STXBP5: variants seen among roughly 807,000 people sequenced by gnomAD.
The protein encoded by STXBP5 is syntaxin-binding protein 5.
Under a neutral mutation model 152.4 loss-of-function variants are expected in STXBP5, and 50 were observed. The ratio of observed to expected loss-of-function variants is 0.33; its 90% CI spans 0.26 to 0.42. The LOEUF is 0.42. STXBP5 is among the 10% of genes least tolerant of loss of function. The pLI is 1.00. For synonymous variants in STXBP5, 492 were observed against 494.7 expected, an observed-to-expected ratio of 0.99 and a Z score of 0.07; for missense variants, 1,167 against 1,388.6, an observed-to-expected ratio of 0.84 and a Z score of 2.54.
At chr6:147,339,770 C>T (rs1248777295) in intron 21 of STXBP5, among the ~76,000 whole-genome samples, 5 of 151,848 alleles carry the variant, frequency 3.3e-5, no homozygotes, top group African/African-American at 7.2e-5. Context: ...TTCAAGGCCC[C>T]GTATTTCAAG....
chr6:147,382,435 C>G (rs577591365), intron 26 of STXBP5, among the ~76,000 whole-genome samples: 35 of 152,092 alleles, frequency 2.3e-4, no homozygotes, highest in Non-Finnish European at 4.9e-4. Flanking sequence ...AAATATCTTT[C>G]GTTTTTTGCA....
At chr6:147,357,923 A>C (rs372521561) in intron 22 of STXBP5, among the ~76,000 whole-genome samples, 13 of 152,202 alleles carry the variant, frequency 8.5e-5, no homozygotes, top group Admixed American at 7.2e-4. Context: ...ATGATGTTCC[A>C]AGAGAAAAAG....
intron 4 of STXBP5, among the ~76,000 whole-genome samples, chr6:147,255,501 TTTGTTG>T (rs138694030): frequency 9.3e-5 from 14 of 151,154 alleles, no homozygotes; most frequent in South Asian, 2.1e-4. Flanking sequence ...TTTGTTCCTT[TTTGTTG>T]TTGTTGTTGT....
chr6:147,223,751 A>G (rs1265651415), intron 2 of STXBP5, among the ~76,000 whole-genome samples: 1 of 152,170 alleles, frequency 6.6e-6, no homozygotes, highest in Non-Finnish European at 1.5e-5. Context: ...TGTTTTTTAA[A>G]TCTTTGTGGA....
chr6:147,261,005 G>A (rs951095507), intron 5 of STXBP5, among the ~76,000 whole-genome samples: 1 of 151,932 alleles, frequency 6.6e-6, no homozygotes, highest in Non-Finnish European at 1.5e-5. Flanking sequence ...TGTAACACTA[G>A]TTTAAGGAAA....
chr6:147,329,774 C>T (rs916845590), intron 18 of STXBP5, among the ~76,000 whole-genome samples: 17 of 151,808 alleles, frequency 1.1e-4, no homozygotes, highest in Admixed American at 3.9e-4. Flanking sequence ...TACAGGCGCC[C>T]GCTACCGCAC....
chr6:147,234,657 A>G lies in STXBP5; in HGVS notation c.249-593A>G, dbSNP rs764925155. On this transcript the variant is annotated intron_variant, in intron 2 of 27. Transcript: ENST00000321680. ...TATTTGCTGTTATTATTGTATGCCA[A>G]TTCATTTTAATCAGTATCCATGCCT... Among the ~76,000 whole-genome samples the G allele has an allele frequency of 4.5e-4, 68 of 152,082 alleles. 1 individual carries two copies. The highest frequency in any genetic ancestry group is 8.3e-4 in the South Asian group (4 of 4,828).
At chr6:147,256,964 A>G (rs1428664356) in intron 4 of STXBP5, among the ~76,000 whole-genome samples, 1 of 152,056 alleles carries the variant, frequency 6.6e-6, no homozygotes. Flanking sequence ...AAATCTTCCA[A>G]ATTTTGTGCT....
intron 11 of STXBP5, among the ~76,000 whole-genome samples, chr6:147,312,532 G>T (rs191828197): frequency 9.1e-4 from 139 of 152,232 alleles, no homozygotes; most frequent in African/African-American, 3.2e-3. Context: ...TTTTCAGTGG[G>T]TTTGAGGGTG....
chr6:147,315,991 A>G (rs1442494463), intron 15 of STXBP5, among the ~76,000 whole-genome samples: 1 of 152,204 alleles, frequency 6.6e-6, no homozygotes, highest in East Asian at 1.9e-4. Flanking sequence ...CTAATTTGAT[A>G]TTAACACGAG....
intron 9 of STXBP5, among the ~76,000 whole-genome samples, chr6:147,293,885 A>G (rs1419045019): frequency 1.4e-5 from 2 of 141,712 alleles, no homozygotes; most frequent in Non-Finnish European, 3.3e-5. Context: ...CTGAATGTGA[A>G]GAAGAAGATA....
chr6:147,235,864 A>G (rs1778244597), intron 3 of STXBP5, among the ~76,000 whole-genome samples: 1 of 152,184 alleles, frequency 6.6e-6, no homozygotes, highest in East Asian at 1.9e-4. Flanking sequence ...CGGCATAGGA[A>G]ACACTGTTTT....
intron 16 of STXBP5, among the ~76,000 whole-genome samples, chr6:147,319,219 A>G (rs1782791168): frequency 6.6e-6 from 1 of 152,036 alleles, no homozygotes; most frequent in African/African-American, 2.4e-5. Context: ...AAACTCTTTT[A>G]TTTTTCATTG....
intron 25 of STXBP5, among the ~76,000 whole-genome samples, chr6:147,369,967 G>A (rs190837973): frequency 7.9e-5 from 12 of 151,828 alleles, no homozygotes; most frequent in Admixed American, 2.6e-4. Context: ...ATTCATAGCC[G>A]CTTTATTTGT....
intron 6 of STXBP5, 33 bp downstream of exon 6, chr6:147,262,386 T>A: frequency 7.7e-7 from 1 of 1,298,724 alleles, no homozygotes; most frequent in Non-Finnish European, 1.1e-6. Flanking sequence ...ATATATTAAA[T>A]GCACAAATTT....
At chr6:147,321,039 A>G (rs540777794) in intron 16 of STXBP5, among the ~76,000 whole-genome samples, 1 of 152,340 alleles carries the variant, frequency 6.6e-6, no homozygotes, top group African/African-American at 2.4e-5. Flanking sequence ...TTTTAGTAGA[A>G]TATTGTACAA....
chr6:147,332,051 T>G (rs1186084029), intron 18 of STXBP5, among the ~76,000 whole-genome samples: 1 of 152,190 alleles, frequency 6.6e-6, no homozygotes, highest in African/African-American at 2.4e-5. Context: ...TTAAGACCAC[T>G]TAGCTAATTG....
At chr6:147,268,059 A>C (rs1779980331) in intron 7 of STXBP5, among the ~76,000 whole-genome samples, 1 of 152,144 alleles carries the variant, frequency 6.6e-6, no homozygotes, top group Non-Finnish European at 1.5e-5. Context: ...TATTCATCTT[A>C]AGGGGTTGTT....
intron 2 of STXBP5, among the ~76,000 whole-genome samples, chr6:147,214,119 A>G (rs938897279): frequency 9.2e-5 from 14 of 152,210 alleles, no homozygotes; most frequent in Admixed American, 1.3e-4. Flanking sequence ...CTTCCTGTAG[A>G]GACATTCAGG....
Sources: allele counts gnomAD v4.1 joint callset (sites outside exome capture counted in the v4.1 genomes callset), GRCh38; gene constraint gnomAD v4.1.1; transcripts MANE v1.5; gene names NCBI Gene and HGNC (gene_info 2026-07-23, HGNC 2026-07-21).